Variants in ABCB5 observed in about 807,000 individuals in gnomAD.
ABCB5 encodes the protein ATP-binding cassette sub-family B member 5.
In ABCB5, 155 loss-of-function variants were observed where a neutral mutation model predicts 144.2. The observed-to-expected ratio is 1.08, with a 90% confidence interval of 0.94 to 1.23. The LOEUF is 1.23. Among genes scored for constraint, ABCB5 ranks in the 50% most tolerant of loss-of-function variants. The pLI, the probability that ABCB5 is intolerant of heterozygous loss-of-function variation, is 0.00. For missense variants in ABCB5, 1,830 were observed against 1,520.8 expected, an observed-to-expected ratio of 1.20 and a Z score of -3.38; for synonymous variants, 610 against 528.6, an observed-to-expected ratio of 1.15 and a Z score of -2.11.
intron 19 of ABCB5, among the ~76,000 whole-genome samples, chr7:20,700,825 C>T (rs993597258): frequency 1.3e-5 from 2 of 152,178 alleles, no homozygotes; most frequent in African/African-American, 4.8e-5. Flanking sequence ...TAGCCCTTCA[C>T]CTCACTTTCT....
intron 14 of ABCB5, chr7:20,666,970 T>A: frequency 1.0e-6 from 1 of 959,814 alleles, no homozygotes; most frequent in Non-Finnish European, 1.4e-6. Flanking sequence ...GCAATTACAG[T>A]TGAATATTTT....
chr7:20,672,244 C>T (rs901830087), intron 14 of ABCB5, among the ~76,000 whole-genome samples: 1 of 151,802 alleles, frequency 6.6e-6, no homozygotes, highest in Non-Finnish European at 1.5e-5. Context: ...AATATTTCTC[C>T]TGATTCTAGG....
chr7:20,679,104 AG>A (rs904536394), intron 14 of ABCB5, among the ~76,000 whole-genome samples: 12 of 152,306 alleles, frequency 7.9e-5, no homozygotes, highest in African/African-American at 2.6e-4. Flanking sequence ...AAATTGTAAA[AG>A]AAAAAAAATT....
intron 26 of ABCB5, among the ~76,000 whole-genome samples, chr7:20,753,083 T>A (rs1414273697): frequency 6.6e-6 from 1 of 152,162 alleles, no homozygotes; most frequent in Non-Finnish European, 1.5e-5. Context: ...TTGCCAGTAA[T>A]TTTTTTCTTA....
At chr7:20,646,207 C>A in intron 9 of ABCB5, 69 bp downstream of exon 9, 1 of 1,442,332 alleles carries the variant, frequency 6.9e-7, no homozygotes. Context: ...GCCAAAATTC[C>A]TCTTTGAAGA....
In ABCB5 at chr7:20,643,184, G is replaced by C. The variant is rs766397154; in HGVS notation, c.315G>C (p.Leu105=). Residue 105 remains leucine (L), a splice_region_variant and synonymous_variant, in exon 6 of 28, where the codon CTG becomes CTC. Transcript: ENST00000404938. ...TCACATTCTAATACTCTTTCTTCAG[G>C]TTGACCCTGTATTATGTTGGAATAG... ...SQEKLNEDMT[L]LTLYYVGIGV... is the part of the protein sequence containing the mutation. 1.9e-6 allele frequency: 3 copies of C among 1,605,002 alleles called. No individual in the cohort carries two copies. The East Asian group carries it at 6.7e-5, about 36-fold the overall frequency.
intron 16 of ABCB5, among the ~76,000 whole-genome samples, chr7:20,689,420 T>C (rs563618968): frequency 2.6e-5 from 4 of 152,276 alleles, no homozygotes; most frequent in Admixed American, 6.5e-5. Flanking sequence ...TGTCAGGTGC[T>C]GGGGAAACTA....
At chr7:20,659,132 C>A in intron 14 of ABCB5, 1 of 1,613,922 alleles carries the variant, frequency 6.2e-7, no homozygotes, top group Non-Finnish European at 8.5e-7. Context: ...CTTGAACCAG[C>A]GCCCTTCGAC....
intron 14 of ABCB5, among the ~76,000 whole-genome samples, chr7:20,677,690 C>G (rs892344050): frequency 7.2e-5 from 11 of 152,166 alleles, no homozygotes; most frequent in South Asian, 6.2e-4. Flanking sequence ...GATCACACCA[C>G]TGCACTCCAG....
At chr7:20,689,706 G>C (rs1428816118) in intron 16 of ABCB5, among the ~76,000 whole-genome samples, 1 of 152,146 alleles carries the variant, frequency 6.6e-6, no homozygotes, top group African/African-American at 2.4e-5. Flanking sequence ...AGCTTTCCCA[G>C]GGAGCACCAG....
chr7:20,678,047 T>C (rs1785671789), intron 14 of ABCB5, among the ~76,000 whole-genome samples: 1 of 152,012 alleles, frequency 6.6e-6, no homozygotes, highest in Non-Finnish European at 1.5e-5. Context: ...ACATGCACAT[T>C]AAATAAAATT....
chr7:20,694,189 A>G (rs1786329774), intron 16 of ABCB5, among the ~76,000 whole-genome samples: 1 of 151,928 alleles, frequency 6.6e-6, no homozygotes, highest in Admixed American at 6.6e-5. Context: ...AAAATTATAG[A>G]CAAATATCAG....
At chr7:20,726,855 C>T (rs6959530) in intron 21 of ABCB5, among the ~76,000 whole-genome samples, 185 bp from the exon 22 acceptor site, 129,795 of 152,226 alleles carry the variant, frequency 0.85, 55,541 homozygotes, top group East Asian at 0.96. Flanking sequence ...TTAAGCTTAT[C>T]ATCCAAAAGT....
chr7:20,621,045 A>C (rs753208254), intron 1 of ABCB5, among the ~76,000 whole-genome samples: 4 of 152,148 alleles, frequency 2.6e-5, no homozygotes, highest in Non-Finnish European at 5.9e-5. Flanking sequence ...ATATATGTGC[A>C]CCAGAATAGT....
rs1309017662 is a variant in ABCB5, at chr7:20,643,492, G to A, written c.538G>A (p.Asp180Asn). The A allele has an allele frequency of 6.8e-6, 11 of 1,614,032 alleles. No homozygotes were observed. Among genetic ancestry groups the A allele is most frequent in the South Asian group, 1.1e-5 (1 of 91,088 alleles). ...TGACAAAATCAGTGATGGTATTGGAGATAAGATTGCTCTGTTGTTTCAAAA... is the reference window on the plus strand; with the variant it reads ...TGACAAAATCAGTGATGGTATTGGAAATAAGATTGCTCTGTTGTTTCAAAA... The part of the protein sequence containing the change: ...DIDKISDGIG[D>N]KIALLFQNMS... Residue 180 changes from aspartate to asparagine, a missense_variant, in exon 7 of 28, where the codon GAT becomes AAT. Transcript: ENST00000404938.
intron 16 of ABCB5, among the ~76,000 whole-genome samples, chr7:20,698,121 A>G (rs958571204): frequency 6.6e-6 from 1 of 152,236 alleles, no homozygotes; most frequent in Non-Finnish European, 1.5e-5. Flanking sequence ...TGTGACCCTT[A>G]ACAATTACAT....
At chr7:20,665,339 TGACGTGGTCTGACAGTAACCC>T (rs1262662820) in intron 14 of ABCB5, among the ~76,000 whole-genome samples, 2 of 152,152 alleles carry the variant, frequency 1.3e-5, no homozygotes, top group African/African-American at 4.8e-5. Flanking sequence ...CTCGGACCAG[TGACGTGGTCTGACAGTAACCC>T]CACATTGTTG....
chr7:20,668,530 C>T (rs1220172172), intron 14 of ABCB5, among the ~76,000 whole-genome samples: 1 of 151,966 alleles, frequency 6.6e-6, no homozygotes, highest in Admixed American at 6.5e-5. Flanking sequence ...GTCCGGCAGC[C>T]ACCCCGTCTG....
intron 14 of ABCB5, 42 bp from the exon 15 acceptor site, chr7:20,681,463 T>A: frequency 6.2e-7 from 1 of 1,603,960 alleles, no homozygotes; most frequent in Non-Finnish European, 8.5e-7. Flanking sequence ...GGTTGTTATT[T>A]CTACTAATGT....
Sources: gnomAD v4.1 joint callset for allele counts (sites outside exome capture counted in the v4.1 genomes callset) on GRCh38, gnomAD v4.1.1 for gene constraint, MANE v1.5 for transcripts, NCBI Gene and HGNC (gene_info 2026-07-23, HGNC 2026-07-21) for gene names.